PDE1C: variants seen among roughly 807,000 people sequenced by gnomAD.
PDE1C encodes dual specificity calcium/calmodulin-dependent 3',5'-cyclic nucleotide phosphodiesterase 1C.
PDE1C carries 62 observed loss-of-function variants against 93.1 expected under a neutral mutation model. The ratio of observed to expected loss-of-function variants is 0.67; its 90% CI spans 0.54 to 0.82. PDE1C has a LOEUF of 0.82. Ranked by LOEUF, PDE1C falls within the 40% of genes least tolerant of loss-of-function variation. The pLI, the probability that PDE1C is intolerant of heterozygous loss-of-function variation, is 0.00. For missense variants in PDE1C, 742 were observed against 884.6 expected (o/e 0.84, Z 2.04); for synonymous variants, 325 against 310.1 (o/e 1.05, Z -0.50).
intron 2 of PDE1C, among the ~76,000 whole-genome samples, chr7:32,038,747 G>T (rs1791440878): frequency 6.6e-6 from 1 of 152,012 alleles, no homozygotes; most frequent in Admixed American, 6.6e-5. Context: ...CAAAGAGGGG[G>T]GATCATCTAC....
In PDE1C at chr7:31,806,240, T is replaced by C. The variant is rs577046740; in HGVS notation, c.1891+2791A>G. ...AAAAGATGGCTATCTCTTATTTCTC[T>C]GTTAATGTGATCAAGTAAAGTTAAC... On this transcript the variant is annotated intron_variant, in intron 16 of 17. Coordinates refer to ENST00000396191, the MANE Select transcript of PDE1C (RefSeq NM_001191057.4). 3.3e-5 allele frequency among the ~76,000 whole-genome samples: 5 copies of C among 152,088 alleles called. No individual in the cohort carries two copies. The South Asian group carries it at 1.0e-3, about 32-fold the overall frequency.
chr7:31,765,022 CA>C (rs1795054189), intron 17 of PDE1C, among the ~76,000 whole-genome samples: 1 of 152,170 alleles, frequency 6.6e-6, no homozygotes, highest in Non-Finnish European at 1.5e-5. Flanking sequence ...AGAATGTCAA[CA>C]AGTTCCTTTC....
chr7:32,003,954 C>T (rs1420385707), intron 2 of PDE1C, among the ~76,000 whole-genome samples: 1 of 152,252 alleles, frequency 6.6e-6, no homozygotes, highest in South Asian at 2.1e-4. Flanking sequence ...ACCTTTCTAA[C>T]AAGGTGAAAT....
chr7:31,927,409 A>G (rs531741624), intron 2 of PDE1C, among the ~76,000 whole-genome samples: 1 of 152,292 alleles, frequency 6.6e-6, no homozygotes, highest in African/African-American at 2.4e-5. Flanking sequence ...GGCTCTGAAG[A>G]GAGCAGTGGA....
At chr7:32,236,497 A>G (rs1452768988) in intron 1 of PDE1C, among the ~76,000 whole-genome samples, 1 of 152,160 alleles carries the variant, frequency 6.6e-6, no homozygotes. Flanking sequence ...TGGACAAAAG[A>G]TTTAGACATT....
At chr7:32,319,195 TG>T (rs1369213794) in intron 1 of PDE1C, among the ~76,000 whole-genome samples, 1 of 152,204 alleles carries the variant, frequency 6.6e-6, no homozygotes, top group East Asian at 1.9e-4. Flanking sequence ...TGCAGGGAGA[TG>T]ACCAGAGCGC....
chr7:32,122,713 C>T (rs1799364407), intron 3 of PDE1C, among the ~76,000 whole-genome samples: 1 of 152,122 alleles, frequency 6.6e-6, no homozygotes, highest in Non-Finnish European at 1.5e-5. Context: ...ACAGCTAAAG[C>T]AGGGTTAAGA....
At chr7:32,006,781 T>C (rs1169224583) in intron 2 of PDE1C, among the ~76,000 whole-genome samples, 3 of 152,174 alleles carry the variant, frequency 2.0e-5, no homozygotes, top group Non-Finnish European at 4.4e-5. Context: ...AGAGAGAAAT[T>C]GTGGCCCATG....
chr7:31,859,627 T>C lies in PDE1C; in HGVS notation c.750+5315A>G, dbSNP rs942273441. ...AAACAATGTTTAACTGTTTAAGTGA[T>C]AGGATGACCCAATAAGGGTCCATAA... is the stretch of plus-strand genomic sequence containing the variant. On this transcript the variant is annotated intron_variant, in intron 7 of 17. Transcript: ENST00000396191. Among the ~76,000 whole-genome samples, 5 of 151,910 alleles carry C rather than the reference T, an allele frequency of 3.3e-5. 1 individual carries two copies. Among genetic ancestry groups the C allele is most frequent in the Admixed American group, 6.6e-5 (1 of 15,234 alleles).
chr7:31,995,433 T>C (rs1196424720), intron 2 of PDE1C, among the ~76,000 whole-genome samples: 1 of 152,214 alleles, frequency 6.6e-6, no homozygotes. Context: ...AGCCCTGTTT[T>C]ACAGCAGAGA....
At chr7:32,303,137 G>C (rs1234860029), upstream of PDE1C, among the ~76,000 whole-genome samples, 2 of 152,128 alleles carry the variant, frequency 1.3e-5, no homozygotes, top group Non-Finnish European at 2.9e-5. Context: ...TCCAGGTCCA[G>C]TTCCAGCTGG....
At chr7:32,325,731 A>T (rs2128074980) in intron 1 of PDE1C, among the ~76,000 whole-genome samples, 1 of 152,364 alleles carries the variant, frequency 6.6e-6, no homozygotes, top group Middle Eastern at 3.4e-3. Context: ...TTCCTCTTCC[A>T]GTGTTTTACC....
At chr7:31,794,089 C>CAGACAGACAGACAGAT (rs1562808129) in intron 16 of PDE1C, among the ~76,000 whole-genome samples, 6 of 136,164 alleles carry the variant, frequency 4.4e-5, no homozygotes, top group East Asian at 4.3e-4. Context: ...GACAGACAGA[C>CAGACAGACAGACAGAT]AGATAGATAG....
intron 1 of PDE1C, among the ~76,000 whole-genome samples, chr7:32,240,840 T>C (rs1018911189): frequency 1.3e-5 from 2 of 152,168 alleles, no homozygotes; most frequent in African/African-American, 4.8e-5. Flanking sequence ...GGGAGGCTAA[T>C]ACAAGATTCA....
At chr7:32,349,137 C>T (rs1041480514) in intron 1 of PDE1C, among the ~76,000 whole-genome samples, 3 of 152,236 alleles carry the variant, frequency 2.0e-5, no homozygotes, top group African/African-American at 7.2e-5. Flanking sequence ...GTAGCCCTCG[C>T]AGTCACCTGT....
chr7:32,030,078 A>AAC (rs376919544), intron 2 of PDE1C, among the ~76,000 whole-genome samples: 16,326 of 133,888 alleles, frequency 0.12, 1,022 homozygotes, highest in Middle Eastern at 0.12. Flanking sequence ...TGCATATTAT[A>AAC]ACACACACAC....
intron 3 of PDE1C, among the ~76,000 whole-genome samples, chr7:32,134,994 G>C (rs1800122777): frequency 6.6e-6 from 1 of 152,154 alleles, no homozygotes; most frequent in African/African-American, 2.4e-5. Context: ...AGACCAAAAA[G>C]TGGCAATAAG....
At chr7:31,658,290 G>C in the PDE1C span, 5 of 1,504,620 alleles carry the variant, frequency 3.3e-6, no homozygotes, top group Non-Finnish European at 4.4e-6. Flanking sequence ...TGTCTGCAGA[G>C]CTGGATCCCT....
chr7:31,992,907 T>C (rs1285219591), intron 2 of PDE1C, among the ~76,000 whole-genome samples: 1 of 152,216 alleles, frequency 6.6e-6, no homozygotes, highest in Non-Finnish European at 1.5e-5. Flanking sequence ...TGTTATTGTT[T>C]TCCATTCTGC....
Sources: allele counts gnomAD v4.1 joint callset (sites outside exome capture counted in the v4.1 genomes callset), GRCh38; gene constraint gnomAD v4.1.1; transcripts MANE v1.5; gene names NCBI Gene and HGNC (gene_info 2026-07-23, HGNC 2026-07-21).